Variants in ATP9B observed in about 807,000 individuals in gnomAD.
ATP9B encodes the protein probable phospholipid-transporting ATPase IIB.
Under a neutral mutation model 146.1 loss-of-function variants are expected in ATP9B, and 110 were observed. The ratio of observed to expected loss-of-function variants is 0.75; its 90% CI spans 0.65 to 0.88. ATP9B has a LOEUF of 0.88. Ranked by LOEUF, ATP9B falls within the 40% of genes least tolerant of loss-of-function variation. The pLI is 0.00. For synonymous variants in ATP9B, 604 were observed against 569.7 expected (o/e 1.06, Z -0.86); for missense variants, 1,499 against 1,496.4 (o/e 1.00, Z -0.03).
chr18:79,124,757 A>T (rs1316153632), intron 4 of ATP9B, among the ~76,000 whole-genome samples: 3 of 152,158 alleles, frequency 2.0e-5, no homozygotes, highest in Admixed American at 6.5e-5. Context: ...AGAGCTGGGG[A>T]GAGCCTGCGT....
intron 19 of ATP9B, among the ~76,000 whole-genome samples, chr18:79,341,982 C>T (rs2096861902): frequency 6.6e-6 from 1 of 152,328 alleles, no homozygotes; most frequent in Non-Finnish European, 1.5e-5. Flanking sequence ...CTCTAGGGAC[C>T]TCATGGAAAT....
intron 26 of ATP9B, among the ~76,000 whole-genome samples, chr18:79,365,603 G>A (rs1021759424): frequency 6.6e-6 from 1 of 152,274 alleles, no homozygotes; most frequent in South Asian, 2.1e-4. Flanking sequence ...AAACAACCTT[G>A]TGCCCTTCAG....
At chr18:79,143,960 T>C in intron 6 of ATP9B, 100 bp downstream of exon 6, 1 of 669,992 alleles carries the variant, frequency 1.5e-6, no homozygotes, top group Non-Finnish European at 2.4e-6. Context: ...TTGAGACATG[T>C]ATTTTGAATC....
intron 11 of ATP9B, among the ~76,000 whole-genome samples, chr18:79,221,590 G>T (rs190735190): frequency 1.3e-5 from 2 of 151,738 alleles, no homozygotes; most frequent in African/African-American, 4.8e-5. Context: ...GCGTGGTGGC[G>T]TGTGCCTGTA....
At chr18:79,203,284 G>A (rs1263661607) in intron 9 of ATP9B, among the ~76,000 whole-genome samples, 1 of 151,962 alleles carries the variant, frequency 6.6e-6, no homozygotes, top group African/African-American at 2.4e-5. Context: ...CAGCAGGCAG[G>A]AGGCCCTGGA....
At chr18:79,142,873 A>G (rs1371288755) in intron 5 of ATP9B, among the ~76,000 whole-genome samples, 2 of 152,240 alleles carry the variant, frequency 1.3e-5, no homozygotes, top group Non-Finnish European at 2.9e-5. Flanking sequence ...TAAGTTGGAT[A>G]TGGGTCTAAA....
At position 79,376,214 on chromosome 18, in the gene ATP9B, C is replaced by CACACACACAAAAAA; in HGVS notation, c.3307+789_3307+790insCACACACAAAAAAA. 5,102 of 857,092 alleles carry CACACACACAAAAAA rather than the reference C, an allele frequency of 6.0e-3. 93 individuals are homozygous for CACACACACAAAAAA. Among genetic ancestry groups the CACACACACAAAAAA allele is most frequent in the African/African-American group, 0.014 (640 of 46,296 alleles). 53.1% of individuals were successfully genotyped at this position (857,092 alleles called of 1,614,324 possible). On this transcript the variant is annotated intron_variant, in intron 29 of 29. Transcript: ENST00000426216. ...ACACACACACACACACACACACACA[C>CACACACACAAAAAA]AAAACAAAACAAAAAAATGGCTAGC...
At chr18:79,271,172 A>G (rs1312658069) in intron 12 of ATP9B, among the ~76,000 whole-genome samples, 2 of 152,160 alleles carry the variant, frequency 1.3e-5, no homozygotes, top group African/African-American at 4.8e-5. Flanking sequence ...AAACATTATA[A>G]TGGGATTTAG....
chr18:79,311,153 A>G (rs2096650392), intron 15 of ATP9B, among the ~76,000 whole-genome samples: 2 of 152,070 alleles, frequency 1.3e-5, no homozygotes, highest in Admixed American at 6.6e-5. Context: ...CTCAGTCTCA[A>G]AAAAAAGAAA....
chr18:79,209,525 A>G (rs1426392650), intron 10 of ATP9B: 8 of 312,908 alleles, frequency 2.6e-5, no homozygotes, highest in Non-Finnish European at 3.7e-5. Context: ...TTCCCTGAAC[A>G]AAGTTTTCTC....
At chr18:79,328,379 A>G in intron 15 of ATP9B, among the ~76,000 whole-genome samples, 1 of 152,310 alleles carries the variant, frequency 6.6e-6, no homozygotes, top group East Asian at 1.9e-4. Context: ...TTGCTCTTCC[A>G]CTTGTGATTG....
At chr18:79,290,533 C>T (rs1385049815) in intron 13 of ATP9B, among the ~76,000 whole-genome samples, 1 of 152,220 alleles carries the variant, frequency 6.6e-6, no homozygotes, top group Non-Finnish European at 1.5e-5. Context: ...CTTTCTTTGA[C>T]TAGGAAAGGG....
chr18:79,080,942 A>G (rs2073187575), intron 1 of ATP9B, among the ~76,000 whole-genome samples: 1 of 152,206 alleles, frequency 6.6e-6, no homozygotes, highest in African/African-American at 2.4e-5. Context: ...CATATGTTGA[A>G]CTAGCCTTGC....
At position 79,211,910 on chromosome 18, in the gene ATP9B, C is replaced by G. The variant is rs756795751; in HGVS notation, c.1031-2052C>G. ...TATGGGTTAAAGTTTTGGAATTCTT[C>G]TGTTTAAGTATTTCATTGAGTGAGA... On this transcript the variant is annotated intron_variant, in intron 10 of 29. Coordinates refer to ENST00000426216, the MANE Select transcript of ATP9B (RefSeq NM_198531.5). Among the ~76,000 whole-genome samples, 58 of 152,256 alleles carry G rather than the reference C, an allele frequency of 3.8e-4. 1 individual carries two copies. The highest frequency in any genetic ancestry group is 6.8e-4 in the Non-Finnish European group (46 of 68,012).
chr18:79,097,773 T>C (rs895364734), intron 2 of ATP9B, among the ~76,000 whole-genome samples: 2 of 145,312 alleles, frequency 1.4e-5, no homozygotes, highest in Non-Finnish European at 3.0e-5. Context: ...ATCCAGTCTA[T>C]CATTGTTGGA....
intron 2 of ATP9B, among the ~76,000 whole-genome samples, chr18:79,098,500 AT>A (rs2074998860): frequency 6.6e-6 from 1 of 150,666 alleles, no homozygotes; most frequent in Non-Finnish European, 1.5e-5. Flanking sequence ...AAGGGCTAAT[AT>A]CCAGAATCTA....
rs1217998447 is a variant in ATP9B at position 79,256,284 on chromosome 18, T to TATATATATATATATATATAC, written c.1268+2746_1268+2747insTATATATATATATATACATA. Among the ~76,000 whole-genome samples the TATATATATATATATATATAC allele has an allele frequency of 3.8e-3, 470 of 122,510 alleles. 3 individuals carry two copies. Among genetic ancestry groups the TATATATATATATATATATAC allele is most frequent in the Non-Finnish European group, 7.1e-3 (381 of 53,886 alleles). The allele number at this position is 122,510 out of a possible 152,430, so 80.4% of individuals were successfully genotyped here. A position where few individuals can be genotyped will look rare whatever the true frequency, so the allele number is the denominator to read the frequency against. ...ATATATATATATATATATATATATA[T>TATATATATATATATATATAC]ATACATACATAGTGAGGCTATGTTA... is the stretch of plus-strand genomic sequence containing the variant. On this transcript the variant is annotated intron_variant, in intron 12 of 29. Coordinates refer to ENST00000426216, the MANE Select transcript of ATP9B (RefSeq NM_198531.5).
At chr18:79,210,550 C>A (rs1479784730) in intron 10 of ATP9B, among the ~76,000 whole-genome samples, 1 of 152,184 alleles carries the variant, frequency 6.6e-6, no homozygotes. Context: ...AGTCTGTGCA[C>A]CAGTTTTGGT....
At chr18:79,246,721 C>A (rs539784907) in intron 11 of ATP9B, among the ~76,000 whole-genome samples, 1 of 152,318 alleles carries the variant, frequency 6.6e-6, no homozygotes, top group South Asian at 2.1e-4. Flanking sequence ...CCGCGCCCCG[C>A]GCTCCCCGCG....
Sources: allele counts gnomAD v4.1 joint callset (sites outside exome capture counted in the v4.1 genomes callset), GRCh38; gene constraint gnomAD v4.1.1; transcripts MANE v1.5; gene names NCBI Gene and HGNC (gene_info 2026-07-23, HGNC 2026-07-21).